The following ALK variants were observed in gnomAD, a reference collection of about 807,000 sequenced individuals.
ALK encodes the protein ALK tyrosine kinase receptor.
A neutral mutation model predicts 163.1 loss-of-function variants in ALK; 74 were observed. That is an observed-to-expected ratio of 0.45 (90% CI 0.38 to 0.55). The LOEUF (loss-of-function observed/expected upper bound fraction) is 0.55, where lower values mean the gene tolerates loss of function less well. Ranked by LOEUF, ALK falls within the 20% of genes least tolerant of loss-of-function variation. The probability of loss-of-function intolerance (pLI) is 0.00; values close to 1 mark genes in which losing one functional copy is unlikely to be tolerated. For missense variants in ALK, 2,063 were observed against 2,105.3 expected, an observed-to-expected ratio of 0.98 and a Z score of 0.39; for synonymous variants, 960 against 843.2, an observed-to-expected ratio of 1.14 and a Z score of -2.40.
chr2:29,551,610 G>C (rs1369445921), intron 3 of ALK, among the ~76,000 whole-genome samples: 3 of 152,120 alleles, frequency 2.0e-5, no homozygotes, highest in African/African-American at 7.2e-5. Flanking sequence ...CCACCATGCT[G>C]TATAAACAAC....
intron 3 of ALK, among the ~76,000 whole-genome samples, chr2:29,605,722 G>C (rs1260488229): frequency 2.0e-5 from 3 of 152,166 alleles, no homozygotes; most frequent in Non-Finnish European, 4.4e-5. Flanking sequence ...CCAGAACTAT[G>C]AGAAATCAAT....
intron 1 of ALK, among the ~76,000 whole-genome samples, chr2:29,863,359 T>G (rs547369273): frequency 1.3e-5 from 2 of 152,282 alleles, no homozygotes; most frequent in South Asian, 4.2e-4. Context: ...AGAAAATACT[T>G]GCAAACCATA....
At chr2:29,778,071 T>C (rs944362791) in intron 1 of ALK, among the ~76,000 whole-genome samples, 1 of 152,128 alleles carries the variant, frequency 6.6e-6, no homozygotes, top group Non-Finnish European at 1.5e-5. Flanking sequence ...CACACCAGAA[T>C]TACTACAGCG....
intron 4 of ALK, among the ~76,000 whole-genome samples, chr2:29,392,147 C>T (rs1317510905): frequency 6.6e-6 from 1 of 152,150 alleles, no homozygotes; most frequent in Non-Finnish European, 1.5e-5. Context: ...AGAAGAGCCT[C>T]CCATTCCAGA....
intron 4 of ALK, among the ~76,000 whole-genome samples, chr2:29,487,327 G>C (rs999803165): frequency 2.6e-5 from 4 of 152,168 alleles, no homozygotes; most frequent in Non-Finnish European, 5.9e-5. Context: ...AGAACAGTGT[G>C]AAAGGGAACC....
At chr2:29,620,281 T>C (rs72862859) in intron 3 of ALK, among the ~76,000 whole-genome samples, 3,861 of 152,134 alleles carry the variant, frequency 0.025, 92 homozygotes, top group South Asian at 0.057. Context: ...TTCCAGGCCC[T>C]TCTCCCTGGT....
At chr2:29,474,430 T>C (rs946715094) in intron 4 of ALK, among the ~76,000 whole-genome samples, 3 of 152,166 alleles carry the variant, frequency 2.0e-5, no homozygotes, top group Non-Finnish European at 2.9e-5. Flanking sequence ...TTTGTAAAAA[T>C]GTATCCACTG....
At position 29,920,272 on chromosome 2, in the gene ALK, C is replaced by T; in HGVS notation, c.388G>A (p.Gly130Ser). 1 of 1,592,448 alleles carries T rather than the reference C, an allele frequency of 6.3e-7. No homozygotes were observed. Among genetic ancestry groups the T allele is most frequent in the Non-Finnish European group, 8.5e-7 (1 of 1,170,432 alleles). Residue 130 changes from glycine (G) to serine (S), a missense_variant, in exon 1 of 29, where the codon GGC (glycine) becomes AGC (serine). Coordinates refer to ENST00000389048, the MANE Select transcript of ALK (RefSeq NM_004304.5). Reference sequence around the variant, plus strand: ...GCACGCCGGAGCTTGCGCACGGAGCCGCCCTTCAGCACCCTGGACAGCGTC... The same window carrying T: ...GCACGCCGGAGCTTGCGCACGGAGCTGCCCTTCAGCACCCTGGACAGCGTC... ...ARTLSRVLKG[G>S]SVRKLRRAKQ...
At chr2:29,830,121 T>C (rs1665324395) in intron 1 of ALK, among the ~76,000 whole-genome samples, 2 of 152,226 alleles carry the variant, frequency 1.3e-5, no homozygotes, top group African/African-American at 4.8e-5. Flanking sequence ...TAGTGGATGT[T>C]TTAGTGAGGC....
chr2:29,695,828 C>T (rs1225122936), intron 2 of ALK, among the ~76,000 whole-genome samples: 2 of 152,146 alleles, frequency 1.3e-5, no homozygotes, highest in Non-Finnish European at 1.5e-5. Context: ...CCATCTCACA[C>T]CAGTTAGAAT....
Position 29,196,827 on chromosome 2 carries a change from CTGATGTT to C in ALK, c.4100_4106del (p.Gln1367ArgfsTer24), listed in dbSNP as rs1370805516. 6.2e-7 allele frequency: 1 copy of C among 1,614,102 alleles called. No homozygotes were observed. The highest frequency in any genetic ancestry group is 1.7e-5 in the Admixed American group (1 of 60,032). ...TGGCAAAGTTGGGCCTGTCTTCAGG[CTGATGTT>C]GCCAGCACTGAGTCATTATCCGGTA... On this transcript the variant is annotated frameshift_variant, in exon 28 of 29. Coordinates refer to ENST00000389048, the MANE Select transcript of ALK (RefSeq NM_004304.5). LOFTEE classifies it high-confidence loss of function.
chr2:29,479,592 G>GA (rs1671612182), intron 4 of ALK, among the ~76,000 whole-genome samples: 1 of 152,152 alleles, frequency 6.6e-6, no homozygotes, highest in Non-Finnish European at 1.5e-5. Flanking sequence ...TCTCCTTTAG[G>GA]ATAAATTGTA....
intron 11 of ALK, among the ~76,000 whole-genome samples, chr2:29,252,308 G>T (rs1573162060): frequency 1.3e-5 from 2 of 152,230 alleles, no homozygotes; most frequent in East Asian, 3.9e-4. Flanking sequence ...AAAAGGTGTT[G>T]TTGATAAACT....
chr2:29,420,199 G>A (rs1669983824), intron 4 of ALK, among the ~76,000 whole-genome samples: 1 of 146,194 alleles, frequency 6.8e-6, no homozygotes. Context: ...ACAACTGCAA[G>A]CTCCAATGCA....
intron 1 of ALK, among the ~76,000 whole-genome samples, chr2:29,809,449 A>C (rs1325886708): frequency 6.6e-6 from 1 of 152,256 alleles, no homozygotes; most frequent in Non-Finnish European, 1.5e-5. Flanking sequence ...ATGTGAAAAA[A>C]TAAATGACTA....
chr2:29,558,409 G>A (rs988894898), intron 3 of ALK, among the ~76,000 whole-genome samples: 4 of 152,052 alleles, frequency 2.6e-5, no homozygotes, highest in Admixed American at 2.6e-4. Flanking sequence ...CTTTAGCCTG[G>A]CCCAACATTA....
At chr2:29,339,007 C>T (rs1307494688) in intron 5 of ALK, among the ~76,000 whole-genome samples, 6 of 152,210 alleles carry the variant, frequency 3.9e-5, no homozygotes, top group African/African-American at 1.4e-4. Flanking sequence ...CTTTGGGAGG[C>T]TGAGGCGGGC....
chr2:29,852,372 A>G (rs886291587), intron 1 of ALK, among the ~76,000 whole-genome samples: 1 of 152,166 alleles, frequency 6.6e-6, no homozygotes, highest in African/African-American at 2.4e-5. Flanking sequence ...TTCAGACTCA[A>G]AAAACAGACT....
chr2:29,238,061 G>T (rs947681793), intron 13 of ALK, among the ~76,000 whole-genome samples: 1 of 152,308 alleles, frequency 6.6e-6, no homozygotes, highest in Non-Finnish European at 1.5e-5. Context: ...TGGGGTGGAG[G>T]ATTCTAGCAG....
Sources: allele counts gnomAD v4.1 joint callset (sites outside exome capture counted in the v4.1 genomes callset), GRCh38; gene constraint gnomAD v4.1.1; transcripts MANE v1.5; gene names NCBI Gene and HGNC (gene_info 2026-07-23, HGNC 2026-07-21).